The following ZC3H8 variants were observed in gnomAD, a reference collection of about 807,000 sequenced individuals.
ZC3H8 encodes zinc finger CCCH-type containing 8, also known as zinc finger CCCH domain-containing protein 8.
ZC3H8 carries 27 observed loss-of-function variants against 42.5 expected under a neutral mutation model. The ratio of observed to expected loss-of-function variants is 0.64; its 90% CI spans 0.47 to 0.88. The LOEUF is 0.88. Ranked by LOEUF, ZC3H8 falls within the 40% of genes least tolerant of loss-of-function variation. ZC3H8 has a pLI of 0.00. For synonymous variants in ZC3H8, 101 were observed against 110.1 expected, an observed-to-expected ratio of 0.92 and a Z score of 0.52; for missense variants, 277 against 336.1, an observed-to-expected ratio of 0.82 and a Z score of 1.37.
At chr2:112,235,719 C>A (rs1313108861) in intron 4 of ZC3H8, among the ~76,000 whole-genome samples, 1 of 152,048 alleles carries the variant, frequency 6.6e-6, no homozygotes, top group African/African-American at 2.4e-5. Flanking sequence ...GGAAAGGGAA[C>A]TTCTAAAAAC....
chr2:112,239,781 C>T (rs1472629134), intron 2 of ZC3H8, among the ~76,000 whole-genome samples: 1 of 152,022 alleles, frequency 6.6e-6, no homozygotes, highest in Non-Finnish European at 1.5e-5. Flanking sequence ...GACAGGGTTT[C>T]ACCCTATTGG....
intron 2 of ZC3H8, 128 bp from the exon 3 acceptor site, chr2:112,238,656 ATATAC>A (rs1685452425): frequency 1.5e-6 from 1 of 661,894 alleles, no homozygotes; most frequent in African/African-American, 1.8e-5. Flanking sequence ...CATGGGATTC[ATATAC>A]TATTCTCTCC....
chr2:112,228,828 T>C (rs1317836711), intron 8 of ZC3H8, among the ~76,000 whole-genome samples: 2 of 152,214 alleles, frequency 1.3e-5, no homozygotes, highest in South Asian at 2.1e-4. Flanking sequence ...TTGCAAATCA[T>C]GTATCTAATA....
chr2:112,237,516 C>T (rs547567819), intron 3 of ZC3H8, among the ~76,000 whole-genome samples: 1 of 151,910 alleles, frequency 6.6e-6, no homozygotes, highest in Non-Finnish European at 1.5e-5. Flanking sequence ...CTCCTGGGCT[C>T]AAGCAATACA....
At chr2:112,251,416 A>G (rs1044494914) in intron 1 of ZC3H8, among the ~76,000 whole-genome samples, 1 of 152,234 alleles carries the variant, frequency 6.6e-6, no homozygotes, top group Middle Eastern at 3.2e-3. Context: ...CCACCATTAC[A>G]AGAACCAAAA....
rs1684142228 is a variant in ZC3H8 at position 112,211,687 on chromosome 2, T to C, written c.*4797A>G. The C allele has an allele frequency of 6.6e-6, 1 of 152,210 alleles. No homozygotes were observed. The highest frequency in any genetic ancestry group is 1.5e-5 in the Non-Finnish European group (1 of 68,038). The allele number at this position is 152,210 out of a possible 1,614,324, so 9.4% of individuals were successfully genotyped here. On this transcript the variant is annotated 3_prime_UTR_variant, in exon 9 of 9. Coordinates refer to ENST00000409573, the MANE Select transcript of ZC3H8 (RefSeq NM_032494.3). ...AAATGAGTCTATCAATTGTAAAATA[T>C]ATTCCAGTTTCAGAGATGTTAAATA... is the stretch of plus-strand genomic sequence containing the variant.
intron 5 of ZC3H8, 75 bp downstream of exon 5, chr2:112,234,045 G>A: frequency 1.2e-6 from 1 of 833,512 alleles, no homozygotes; most frequent in East Asian, 3.0e-5. Context: ...AAACCTAAAG[G>A]TATGAATTAA....
intron 8 of ZC3H8, among the ~76,000 whole-genome samples, chr2:112,227,067 A>G (rs185008128): frequency 5.3e-4 from 80 of 152,348 alleles, no homozygotes; most frequent in African/African-American, 1.9e-3. Flanking sequence ...GTATCTATAA[A>G]AACCTACAGC....
intron 8 of ZC3H8, among the ~76,000 whole-genome samples, chr2:112,228,099 A>C (rs1028165111): frequency 6.6e-6 from 1 of 152,254 alleles, no homozygotes; most frequent in Admixed American, 6.5e-5. Flanking sequence ...ACACATATAG[A>C]GGTCAATGGA....
intron 6 of ZC3H8, among the ~76,000 whole-genome samples, chr2:112,232,733 C>G (rs923201537): frequency 3.3e-5 from 5 of 151,968 alleles, no homozygotes; most frequent in Admixed American, 1.3e-4. Flanking sequence ...ATATTGAATG[C>G]CTGAAGAAAA....
chr2:112,245,755 AAC>A, intron 2 of ZC3H8, among the ~76,000 whole-genome samples: 1 of 152,322 alleles, frequency 6.6e-6, no homozygotes, highest in South Asian at 2.1e-4. Context: ...CACACTAAAC[AAC>A]AGATTTTCAA....
intron 8 of ZC3H8, among the ~76,000 whole-genome samples, chr2:112,221,379 T>C (rs1684578567): frequency 6.6e-6 from 1 of 152,170 alleles, no homozygotes; most frequent in East Asian, 1.9e-4. Context: ...CCATGCGACA[T>C]GCTGGCTCCT....
intron 8 of ZC3H8, among the ~76,000 whole-genome samples, chr2:112,228,104 A>T (rs1198097798): frequency 6.6e-6 from 1 of 152,254 alleles, no homozygotes; most frequent in Non-Finnish European, 1.5e-5. Flanking sequence ...TATAGAGGTC[A>T]ATGGAACACA....
chr2:112,248,356 A>T (rs918309228), intron 2 of ZC3H8, among the ~76,000 whole-genome samples: 6 of 151,822 alleles, frequency 4.0e-5, no homozygotes, highest in African/African-American at 9.7e-5. Context: ...AAAAAGAAAA[A>T]GAAAAGGAAA....
intron 8 of ZC3H8, among the ~76,000 whole-genome samples, chr2:112,221,514 CTAAGG>C (rs780764334): frequency 4.6e-5 from 7 of 152,164 alleles, no homozygotes; most frequent in Non-Finnish European, 8.8e-5. Flanking sequence ...ATTACCCAGT[CTAAGG>C]TATTTCTTTA....
chr2:112,227,370 C>T (rs1684886295), intron 8 of ZC3H8, among the ~76,000 whole-genome samples: 1 of 152,114 alleles, frequency 6.6e-6, no homozygotes, highest in South Asian at 2.1e-4. Flanking sequence ...ACTAAAAACA[C>T]AAAAATTAGC....
intron 1 of ZC3H8, 50 bp downstream of exon 1, chr2:112,254,858 G>A: frequency 6.3e-7 from 1 of 1,585,340 alleles, no homozygotes; most frequent in Admixed American, 1.8e-5. Context: ...ACTAAGAGGC[G>A]GAGTCCCGCT....
In ZC3H8 at chr2:112,255,033, C is replaced by T. The variant is rs1302232663; in HGVS notation, c.-52G>A. The T allele has an allele frequency of 1.2e-5, 19 of 1,544,758 alleles. No individual in the cohort carries two copies. In the Admixed American group the frequency reaches 1.8e-4, roughly 14 times the overall value. On this transcript the variant is annotated 5_prime_UTR_variant, in exon 1 of 9. Coordinates refer to ENST00000409573, the MANE Select transcript of ZC3H8 (RefSeq NM_032494.3). ...AGCCGGGAAGCTACAGAGTAACAACCCGAGAGAGTGACAACCCGGACGCGA... is the reference window on the plus strand; with the variant it reads ...AGCCGGGAAGCTACAGAGTAACAACTCGAGAGAGTGACAACCCGGACGCGA...
chr2:112,216,926 C>T (rs1445789267), intron 8 of ZC3H8, among the ~76,000 whole-genome samples: 1 of 152,058 alleles, frequency 6.6e-6, no homozygotes, highest in East Asian at 1.9e-4. Context: ...AATAAAATGA[C>T]AGAAACTAAA....
Sources: allele counts gnomAD v4.1 joint callset (sites outside exome capture counted in the v4.1 genomes callset), GRCh38; gene constraint gnomAD v4.1.1; transcripts MANE v1.5; gene names NCBI Gene and HGNC (gene_info 2026-07-23, HGNC 2026-07-21).